Variants in TENM1 observed in about 807,000 individuals in gnomAD.
TENM1 encodes teneurin transmembrane protein 1, also known as teneurin-1.
TENM1 carries 35 observed loss-of-function variants against 174.8 expected under a neutral mutation model. The ratio of observed to expected loss-of-function variants is 0.20; its 90% confidence interval spans 0.15 to 0.27. The LOEUF (loss-of-function observed/expected upper bound fraction) is 0.27, where lower values mean the gene tolerates loss of function less well. Among genes scored for constraint, TENM1 ranks in the 10% least tolerant of loss-of-function variants. The pLI is 1.00. For synonymous variants in TENM1, 781 were observed against 798.7 expected (o/e 0.98, Z 0.37); for missense variants, 1,633 against 2,130.1 (o/e 0.77, Z 4.59).
At chrX:124,811,952 T>G (rs868550402) in intron 3 of TENM1, among the ~76,000 whole-genome samples, 1 of 111,242 alleles carries the variant, frequency 9.0e-6, no homozygotes, top group Non-Finnish European at 1.9e-5. Context: ...TATAATAGAA[T>G]GAAGACTACC....
chrX:124,590,570 T>A (rs2049709819), intron 11 of TENM1, among the ~76,000 whole-genome samples: 1 of 111,879 alleles, frequency 8.9e-6, no homozygotes, highest in Admixed American at 9.5e-5. Context: ...GTAATTTGAT[T>A]TCTATTTTTA....
chrX:124,876,910 C>G (rs953117280), intron 3 of TENM1, among the ~76,000 whole-genome samples: 2 of 111,797 alleles, frequency 1.8e-5, no homozygotes, highest in African/African-American at 6.5e-5. Context: ...TCGACATACT[C>G]ACGTCTTATT....
chrX:124,410,919 A>G lies in TENM1; in HGVS notation c.4983-4430T>C, dbSNP rs779638457. Among the ~76,000 whole-genome samples, 4 of 111,712 alleles carry G rather than the reference A, an allele frequency of 3.6e-5. No homozygotes were observed. The East Asian group carries it at 1.1e-3, about 32-fold the overall frequency. On this transcript the variant is annotated intron_variant, in intron 25 of 31. Coordinates refer to ENST00000422452, the Ensembl canonical transcript of TENM1. ...AGCTTGGGGGCAGTTTCCTTCAGTC[A>G]CACAGCCCCTTGTTTTAAGGGAAGA...
the TENM1 span, among the ~76,000 whole-genome samples, chrX:125,146,184 T>A: frequency 9.9e-5 from 11 of 111,467 alleles, no homozygotes; most frequent in South Asian, 3.8e-3. Context: ...TACACTAATA[T>A]GTTATCTCAT....
intron 4 of TENM1, among the ~76,000 whole-genome samples, chrX:124,727,324 C>T (rs909825171): frequency 8.9e-6 from 1 of 111,986 alleles, no homozygotes; most frequent in Non-Finnish European, 1.9e-5. Context: ...TATCATCATT[C>T]TGAAAAAATA....
chrX:125,007,916 A>G, the TENM1 span, among the ~76,000 whole-genome samples: 2 of 112,057 alleles, frequency 1.8e-5, no homozygotes, highest in Admixed American at 1.9e-4. Flanking sequence ...AGTACCAGCC[A>G]CTGCAAAAAC....
At chrX:124,661,883 C>G (rs2051611087) in intron 6 of TENM1, among the ~76,000 whole-genome samples, 1 of 111,423 alleles carries the variant, frequency 9.0e-6, no homozygotes, top group South Asian at 3.8e-4. Flanking sequence ...TGAATTAAAA[C>G]TTCTCACAGA....
chrX:124,495,509 G>T (rs1357306514), intron 20 of TENM1, among the ~76,000 whole-genome samples: 1 of 108,731 alleles, frequency 9.2e-6, no homozygotes, highest in Non-Finnish European at 1.9e-5. Context: ...CAGAAGCTCT[G>T]TAGTTTAATT....
intron 3 of TENM1, among the ~76,000 whole-genome samples, chrX:124,830,018 C>T (rs1485559182): frequency 9.3e-6 from 1 of 107,539 alleles, no homozygotes; most frequent in Non-Finnish European, 1.9e-5. Context: ...GTTAGGTGGT[C>T]CCGGCTTAGT....
At chrX:124,839,846 T>C (rs1227054014) in intron 3 of TENM1, among the ~76,000 whole-genome samples, 1 of 111,846 alleles carries the variant, frequency 8.9e-6, no homozygotes, top group East Asian at 2.8e-4. Context: ...GGACCTTATC[T>C]CTTTGGTACA....
the TENM1 span, among the ~76,000 whole-genome samples, chrX:125,175,907 T>C: frequency 8.9e-6 from 1 of 112,207 alleles, no homozygotes; most frequent in African/African-American, 3.2e-5. Context: ...AAATGCTGTA[T>C]ATATTTGCTA....
At chrX:124,683,445 G>T (rs937186354) in intron 5 of TENM1, among the ~76,000 whole-genome samples, 3 of 111,651 alleles carry the variant, frequency 2.7e-5, no homozygotes, top group Non-Finnish European at 3.8e-5. Flanking sequence ...ATTCCAACCC[G>T]TTACTTTTGC....
chrX:124,690,492 T>A (rs1420938502), intron 5 of TENM1, among the ~76,000 whole-genome samples: 1 of 100,570 alleles, frequency 9.9e-6, no homozygotes, highest in African/African-American at 4.2e-5. Flanking sequence ...AGAGTGTGTG[T>A]GTGTGTGTGT....
chrX:124,792,950 A>C (rs756717886), intron 3 of TENM1, among the ~76,000 whole-genome samples: 2 of 112,228 alleles, frequency 1.8e-5, no homozygotes, highest in South Asian at 7.4e-4. Context: ...CATATGGCTA[A>C]GTTAAATTAA....
intron 23 of TENM1, among the ~76,000 whole-genome samples, chrX:124,448,082 CATACACATGTTCCCTCA>C (rs1414660932): frequency 9.0e-6 from 1 of 111,655 alleles, no homozygotes. Flanking sequence ...ATGGTACTAC[CATACACATGTTCCCTCA>C]ATTCTGAAAT....
At chrX:124,448,022 A>G in intron 23 of TENM1, among the ~76,000 whole-genome samples, 1 of 111,285 alleles carries the variant, frequency 9.0e-6, no homozygotes, top group Admixed American at 9.6e-5. Context: ...CCATCATCCA[A>G]CCATCAAGCA....
At chrX:124,547,913 T>C (rs905525051) in intron 14 of TENM1, among the ~76,000 whole-genome samples, 46 of 112,262 alleles carry the variant, frequency 4.1e-4, no homozygotes, top group African/African-American at 1.5e-3. Context: ...CTCGGCTCAC[T>C]GCAAGTTCTG....
intron 3 of TENM1, among the ~76,000 whole-genome samples, chrX:124,805,063 T>A (rs2055558366): frequency 1.8e-5 from 2 of 111,874 alleles, no homozygotes; most frequent in Non-Finnish European, 3.8e-5. Flanking sequence ...AAATTTAGTG[T>A]CTTCCATGTG....
chrX:125,145,691 C>A, the TENM1 span, among the ~76,000 whole-genome samples: 1 of 112,175 alleles, frequency 8.9e-6, no homozygotes, highest in Non-Finnish European at 1.9e-5. Context: ...AATTCTTCAT[C>A]CATTTCACTT....
Sources: gnomAD v4.1 joint callset for allele counts (sites outside exome capture counted in the v4.1 genomes callset) on GRCh38, gnomAD v4.1.1 for gene constraint, MANE v1.5 for transcripts, NCBI Gene and HGNC (gene_info 2026-07-23, HGNC 2026-07-21) for gene names.